Variants in LHFPL3 observed in about 807,000 individuals in gnomAD.
The protein encoded by LHFPL3 is LHFPL tetraspan subfamily member 3 protein.
A neutral mutation model predicts 19.3 loss-of-function variants in LHFPL3; 5 were observed. The ratio of observed to expected loss-of-function variants is 0.26; its 90% CI spans 0.14 to 0.54. LHFPL3 has a LOEUF of 0.54. Ranked by LOEUF, LHFPL3 falls within the 20% of genes least tolerant of loss-of-function variation. LHFPL3 has a pLI of 0.94. For missense variants in LHFPL3, 249 were observed against 307.4 expected (o/e 0.81, Z 1.42); for synonymous variants, 133 against 126.2 (o/e 1.05, Z -0.36).
intron 1 of LHFPL3, among the ~76,000 whole-genome samples, chr7:104,405,626 A>G (rs903602995): frequency 3.9e-5 from 6 of 152,226 alleles, no homozygotes; most frequent in African/African-American, 1.4e-4. Context: ...TCATATAGTA[A>G]CAGTAGATTC....
At chr7:104,503,143 A>G (rs1484532764) in intron 1 of LHFPL3, among the ~76,000 whole-genome samples, 1 of 152,064 alleles carries the variant, frequency 6.6e-6, no homozygotes, top group Non-Finnish European at 1.5e-5. Flanking sequence ...AATACCTCCT[A>G]ATAGGGCATT....
intron 1 of LHFPL3, among the ~76,000 whole-genome samples, chr7:104,703,810 T>G (rs906196158): frequency 7.2e-5 from 11 of 152,218 alleles, no homozygotes; most frequent in African/African-American, 2.4e-4. Context: ...TTCTTCTCCT[T>G]AATTTTCTGG....
intron 2 of LHFPL3, among the ~76,000 whole-genome samples, chr7:104,879,215 A>C (rs1792001971): frequency 6.6e-6 from 1 of 152,200 alleles, no homozygotes; most frequent in Non-Finnish European, 1.5e-5. Flanking sequence ...CCAGGAATTC[A>C]AGACCAGCCT....
At chr7:104,825,474 C>T (rs1460190592) in intron 2 of LHFPL3, among the ~76,000 whole-genome samples, 1 of 151,858 alleles carries the variant, frequency 6.6e-6, no homozygotes, top group Admixed American at 6.6e-5. Context: ...TTAGAGCCTC[C>T]ATTTCCTGAT....
At chr7:104,338,518 A>G (rs1230925427) in intron 1 of LHFPL3, among the ~76,000 whole-genome samples, 2 of 152,238 alleles carry the variant, frequency 1.3e-5, no homozygotes, top group African/African-American at 4.8e-5. Flanking sequence ...ATACTATTCC[A>G]GAGCAAAGAT....
intron 1 of LHFPL3, among the ~76,000 whole-genome samples, chr7:104,554,406 T>C (rs908668630): frequency 7.9e-5 from 12 of 152,142 alleles, no homozygotes; most frequent in African/African-American, 2.7e-4. Context: ...AACAATCTGA[T>C]TGGAAGATTT....
At chr7:104,364,580 TG>T (rs1292757509) in intron 1 of LHFPL3, among the ~76,000 whole-genome samples, 2 of 152,222 alleles carry the variant, frequency 1.3e-5, no homozygotes, top group East Asian at 3.9e-4. Context: ...TGGAGAATGC[TG>T]GGTTATGGTC....
At chr7:104,605,180 AGTT>A (rs1791069881) in intron 1 of LHFPL3, among the ~76,000 whole-genome samples, 1 of 152,230 alleles carries the variant, frequency 6.6e-6, no homozygotes. Flanking sequence ...TATCAAATAA[AGTT>A]GTTAAACCTT....
Position 104,328,912 on chromosome 7 carries a change from A to C in LHFPL3, c.133A>C (p.Ile45Leu). Residue 45 changes from isoleucine (I) to leucine (L), a missense_variant, in exon 1 of 3, where the codon ATC becomes CTC. Transcript: ENST00000424859. The surrounding 1 kb of genome is among the most constrained non-coding windows in gnomAD (Gnocchi z 4.6). Reference protein sequence around the residue: ...AIGVLWAIFTICFAIVNVVCF... With the variant: ...AIGVLWAIFTLCFAIVNVVCF... The stretch of plus-strand genomic sequence containing the variant: ...CGGCGTGCTGTGGGCCATCTTCACC[A>C]TCTGCTTTGCCATCGTCAACGTGGT... 1 of 1,614,126 alleles carries C rather than the reference A, an allele frequency of 6.2e-7. No homozygotes were observed. Among genetic ancestry groups the C allele is most frequent in the Non-Finnish European group, 8.5e-7 (1 of 1,180,018 alleles).
chr7:104,621,891 ATCTTCC>A (rs1317438199), intron 1 of LHFPL3, among the ~76,000 whole-genome samples: 2 of 152,130 alleles, frequency 1.3e-5, no homozygotes, highest in Non-Finnish European at 2.9e-5. Flanking sequence ...CTCATGCCCC[ATCTTCC>A]TGCCTTTTAG....
At chr7:104,569,451 T>G (rs1790185692) in intron 1 of LHFPL3, among the ~76,000 whole-genome samples, 1 of 152,224 alleles carries the variant, frequency 6.6e-6, no homozygotes, top group Non-Finnish European at 1.5e-5. Flanking sequence ...GTATACACCT[T>G]GTCATTCAGT....
In LHFPL3 at chr7:104,425,258, C is replaced by G. The variant is rs143957607; in HGVS notation, c.445+96034C>G. ...GGGATTTTGGTGGGGTGGGGGTATC[C>G]CAGTTATTGATAATGACAAAGGAGG... On this transcript the variant is annotated intron_variant, in intron 1 of 2. Coordinates refer to ENST00000424859, the MANE Select transcript of LHFPL3 (RefSeq NM_199000.3). Among the ~76,000 whole-genome samples, 797 of 151,930 alleles carry G rather than the reference C, an allele frequency of 5.2e-3. 7 individuals are homozygous for G. Among genetic ancestry groups the G allele is most frequent in the African/African-American group, 0.018 (750 of 41,428 alleles).
At chr7:104,845,893 G>A (rs1791303987) in intron 2 of LHFPL3, among the ~76,000 whole-genome samples, 1 of 152,206 alleles carries the variant, frequency 6.6e-6, no homozygotes, top group African/African-American at 2.4e-5. Context: ...CGTCTCCATA[G>A]AGTGAATGCT....
intron 2 of LHFPL3, among the ~76,000 whole-genome samples, chr7:104,764,244 C>G (rs1794420021): frequency 6.6e-6 from 1 of 152,008 alleles, no homozygotes; most frequent in Admixed American, 6.6e-5. Context: ...TCTCGGTTCA[C>G]TGCAACCTCC....
intron 1 of LHFPL3, among the ~76,000 whole-genome samples, chr7:104,447,897 A>T (rs973813937): frequency 1.3e-5 from 2 of 152,164 alleles, no homozygotes; most frequent in Non-Finnish European, 2.9e-5. Context: ...GGACACATGT[A>T]CTATGTTAAG....
intron 1 of LHFPL3, among the ~76,000 whole-genome samples, chr7:104,459,901 TTA>T (rs1035913698): frequency 6.6e-6 from 1 of 152,228 alleles, no homozygotes; most frequent in Non-Finnish European, 1.5e-5. Context: ...TGCAGGTTTG[TTA>T]TATAGGTAAA....
chr7:104,759,924 G>A lies in LHFPL3; in HGVS notation c.682+23013G>A, dbSNP rs916026837. 2.0e-5 allele frequency: 3 copies of A among 152,262 alleles called. No homozygotes were observed. The East Asian group carries it at 5.8e-4, about 29-fold the overall frequency. The allele number at this position is 152,262 out of a possible 1,614,324, so 9.4% of individuals were successfully genotyped here. A position where few individuals can be genotyped will look rare whatever the true frequency, so the allele number is the denominator to read the frequency against. On this transcript the variant is annotated intron_variant, in intron 2 of 2. Transcript: ENST00000424859. Reference sequence around the variant, plus strand: ...CACGCAGTGAGTGATAGCAAGGCTGGGAAGGAACTCAGGCTTGGCCTCAGA... The same window carrying A: ...CACGCAGTGAGTGATAGCAAGGCTGAGAAGGAACTCAGGCTTGGCCTCAGA...
At chr7:104,643,682 C>G (rs775852840) in intron 1 of LHFPL3, among the ~76,000 whole-genome samples, 1 of 152,194 alleles carries the variant, frequency 6.6e-6, no homozygotes, top group African/African-American at 2.4e-5. Flanking sequence ...GTCTGAGATG[C>G]AGCCTGGGCT....
Position 104,508,844 on chromosome 7 carries a change from G to A in LHFPL3, c.445+179620G>A, listed in dbSNP as rs112543255. ...AAGAGCTGTGTTTTTTTTAAAGATC[G>A]ATAAAATTGACAAACCTCTAGAAAG... is the stretch of plus-strand genomic sequence containing the variant. On this transcript the variant is annotated intron_variant, in intron 1 of 2. Transcript: ENST00000424859. Among the ~76,000 whole-genome samples the A allele has an allele frequency of 1.1e-3, 171 of 151,150 alleles. 2 individuals carry two copies. Among genetic ancestry groups the A allele is most frequent in the African/African-American group, 3.9e-3 (160 of 41,240 alleles).
Sources: gnomAD v4.1 joint callset for allele counts (sites outside exome capture counted in the v4.1 genomes callset) on GRCh38, gnomAD v4.1.1 for gene constraint, Gnocchi (gnomAD v3.1) non-coding constraint, MANE v1.5 for transcripts, NCBI Gene and HGNC (gene_info 2026-07-23, HGNC 2026-07-21) for gene names.